Variants in IGF2BP2 observed in about 807,000 individuals in gnomAD.
The protein encoded by IGF2BP2 is insulin-like growth factor 2 mRNA-binding protein 2.
A neutral mutation model predicts 75.8 loss-of-function variants in IGF2BP2; 17 were observed. The observed-to-expected ratio is 0.22, with a 90% CI of 0.15 to 0.34. IGF2BP2 has a LOEUF of 0.34. IGF2BP2 is among the 10% of genes least tolerant of loss of function. IGF2BP2 has a pLI of 1.00. For missense variants in IGF2BP2, 516 were observed against 772.4 expected, an observed-to-expected ratio of 0.67 and a Z score of 3.93; for synonymous variants, 288 against 295.6, an observed-to-expected ratio of 0.97 and a Z score of 0.26.
chr3:185,650,910 C>A (rs1026424649), intron 13 of IGF2BP2, among the ~76,000 whole-genome samples: 1 of 152,112 alleles, frequency 6.6e-6, no homozygotes, highest in Non-Finnish European at 1.5e-5. Flanking sequence ...TCACTTCACA[C>A]GTGGCCTTTA....
chr3:185,766,983 A>G (rs1733164653), intron 2 of IGF2BP2, among the ~76,000 whole-genome samples: 1 of 152,192 alleles, frequency 6.6e-6, no homozygotes, highest in African/African-American at 2.4e-5. Context: ...TCCACATTTG[A>G]TAGTTCACCT....
intron 3 of IGF2BP2, 60 bp downstream of exon 3, chr3:185,698,239 A>G: frequency 6.9e-7 from 1 of 1,458,226 alleles, no homozygotes; most frequent in East Asian, 2.3e-5. Context: ...CTAAATGTAA[A>G]ATGGAACTAA....
intron 2 of IGF2BP2, among the ~76,000 whole-genome samples, chr3:185,705,744 A>G (rs779689978): frequency 6.6e-6 from 1 of 152,186 alleles, no homozygotes; most frequent in Non-Finnish European, 1.5e-5. Context: ...CATAGAAGGC[A>G]CTGTCTAGCT....
intron 2 of IGF2BP2, among the ~76,000 whole-genome samples, chr3:185,765,314 A>G (rs961883359): frequency 7.2e-5 from 11 of 152,200 alleles, no homozygotes; most frequent in African/African-American, 2.2e-4. Flanking sequence ...AGTTTCTTTC[A>G]ATCAGTAAAC....
At chr3:185,733,963 A>C (rs1006820246) in intron 2 of IGF2BP2, among the ~76,000 whole-genome samples, 2 of 152,236 alleles carry the variant, frequency 1.3e-5, no homozygotes, top group Non-Finnish European at 2.9e-5. Flanking sequence ...GGATTTGTTT[A>C]GAAAGAGTGT....
At chr3:185,692,405 G>A (rs925875065) in intron 5 of IGF2BP2, among the ~76,000 whole-genome samples, 2 of 152,134 alleles carry the variant, frequency 1.3e-5, no homozygotes, top group East Asian at 1.9e-4. Context: ...CTCCCATCTT[G>A]GTTTTGATGC....
chr3:185,643,824 A>G lies in IGF2BP2; in HGVS notation c.*1707T>C, dbSNP rs1713062333. 1 of 134,940 alleles carries G rather than the reference A, an allele frequency of 7.4e-6. No individual in the cohort carries two copies. The highest frequency in any genetic ancestry group is 2.8e-5 in the African/African-American group (1 of 35,184). The allele number at this position is 134,940 out of a possible 1,614,324, so 8.4% of individuals were successfully genotyped here. A position where few individuals can be genotyped will look rare whatever the true frequency, so the allele number is the denominator to read the frequency against. On this transcript the variant is annotated 3_prime_UTR_variant, in exon 16 of 16. Coordinates refer to ENST00000382199, the MANE Select transcript of IGF2BP2 (RefSeq NM_006548.6). ...TGTCACAGAACACTGTTTGCAGTAG[A>G]GGAAACTGGCATTGCAGTCTGGTGG...
At chr3:185,756,206 C>T (rs1731594243) in intron 2 of IGF2BP2, among the ~76,000 whole-genome samples, 1 of 152,190 alleles carries the variant, frequency 6.6e-6, no homozygotes, top group Admixed American at 6.5e-5. Context: ...CTCACTCTTG[C>T]TCATGCTCTT....
At chr3:185,804,648 T>G (rs927016403) in intron 2 of IGF2BP2, among the ~76,000 whole-genome samples, 76 of 152,108 alleles carry the variant, frequency 5.0e-4, no homozygotes, top group African/African-American at 1.8e-3. Flanking sequence ...ATCACTGCTC[T>G]TCCCTTTACC....
chr3:185,667,287 TC>T (rs1289092188), intron 10 of IGF2BP2, among the ~76,000 whole-genome samples: 1 of 143,948 alleles, frequency 6.9e-6, no homozygotes, highest in Non-Finnish European at 1.6e-5. Context: ...ACATACACAA[TC>T]CCCCAAAACC....
rs972875745 is a variant in IGF2BP2 at position 185,660,949 on chromosome 3, C to A, written c.1201-2540G>T. Among the ~76,000 whole-genome samples, 3 of 152,230 alleles carry A rather than the reference C, an allele frequency of 2.0e-5. No individual in the cohort carries two copies. The South Asian group carries it at 6.2e-4, about 31-fold the overall frequency. ...TGTGAGGCCGGGAATAGACAAGCCA[C>A]AGTGTGGCTCCTATTCTGGGTTCAA... is the stretch of plus-strand genomic sequence containing the variant. On this transcript the variant is annotated intron_variant, in intron 10 of 15. Coordinates refer to ENST00000382199, the MANE Select transcript of IGF2BP2 (RefSeq NM_006548.6).
At chr3:185,804,599 A>T (rs950625382) in intron 2 of IGF2BP2, among the ~76,000 whole-genome samples, 1 of 152,274 alleles carries the variant, frequency 6.6e-6, no homozygotes, top group African/African-American at 2.4e-5. Context: ...AAACAATATA[A>T]ATTTTTTAAA....
rs573547268 is a variant in IGF2BP2 at position 185,680,592 on chromosome 3, G to C, written c.813-4679C>G. Among the ~76,000 whole-genome samples, 82 of 152,270 alleles carry C rather than the reference G, an allele frequency of 5.4e-4. 2 individuals carry two copies. In the South Asian group the frequency reaches 0.016, roughly 30 times the overall value. ...CAAATCAAATTCAGCATATGAAAAG[G>C]ATTATAAGCCACGACCAAGTGGGAT... On this transcript the variant is annotated intron_variant, in intron 7 of 15. Transcript: ENST00000382199.
At chr3:185,738,465 G>A (rs1729133524) in intron 2 of IGF2BP2, among the ~76,000 whole-genome samples, 1 of 152,158 alleles carries the variant, frequency 6.6e-6, no homozygotes, top group Non-Finnish European at 1.5e-5. Context: ...GTCAGGAAGG[G>A]CTTCAGGGAG....
At chr3:185,677,064 TATATAG>T (rs1454984341) in intron 7 of IGF2BP2, among the ~76,000 whole-genome samples, 1,196 of 45,712 alleles carry the variant, frequency 0.026, 24 homozygotes, top group Non-Finnish European at 0.036. Context: ...TATATATATA[TATATAG>T]AGAGAGAGAG....
chr3:185,719,863 A>AAAGGAAGGAAGGAAGG (rs1472365740), intron 2 of IGF2BP2, among the ~76,000 whole-genome samples: 38 of 152,080 alleles, frequency 2.5e-4, no homozygotes, highest in African/African-American at 8.9e-4. Context: ...GAAAGGAAGG[A>AAAGGAAGGAAGGAAGG]AAGGAAGGAA....
At chr3:185,740,908 C>T (rs923978179) in intron 2 of IGF2BP2, among the ~76,000 whole-genome samples, 1 of 152,182 alleles carries the variant, frequency 6.6e-6, no homozygotes, top group African/African-American at 2.4e-5. Context: ...GACGGAGTCT[C>T]GCTCTGTCGC....
At chr3:185,724,111 G>T (rs1182843229) in intron 2 of IGF2BP2, among the ~76,000 whole-genome samples, 1 of 152,212 alleles carries the variant, frequency 6.6e-6, no homozygotes, top group Non-Finnish European at 1.5e-5. Context: ...GACCCAGGCA[G>T]GAATGAACAG....
rs200313389 is a variant in IGF2BP2 at position 185,745,820 on chromosome 3, AT to A, written c.240-47474del. On this transcript the variant is annotated intron_variant, in intron 2 of 15. Coordinates refer to ENST00000382199, the MANE Select transcript of IGF2BP2 (RefSeq NM_006548.6). ...TGAAATATCACTCGCACCATTTCGT[AT>A]TGTGAATGCCACTGGGTGGCAATAA... 9.5e-3 allele frequency among the ~76,000 whole-genome samples: 1,450 copies of A among 152,146 alleles called. 26 individuals are homozygous for A. Among genetic ancestry groups the A allele is most frequent in the African/African-American group, 0.032 (1,325 of 41,506 alleles).
Sources: gnomAD v4.1 joint callset for allele counts (sites outside exome capture counted in the v4.1 genomes callset) on GRCh38, gnomAD v4.1.1 for gene constraint, MANE v1.5 for transcripts, NCBI Gene and HGNC (gene_info 2026-07-23, HGNC 2026-07-21) for gene names.